NXPE2: variants seen among roughly 807,000 people sequenced by gnomAD.
The protein encoded by NXPE2 is NXPE family member 2.
NXPE2 carries 34 observed loss-of-function variants against 34.4 expected under a neutral mutation model. That is an observed-to-expected ratio of 0.99 (90% CI 0.75 to 1.31). NXPE2 has a LOEUF of 1.31. NXPE2 is among the 40% of genes most tolerant of loss of function. The pLI is 0.00. For synonymous variants in NXPE2, 235 were observed against 231.3 expected (o/e 1.02, Z -0.15); for missense variants, 649 against 672.5 (o/e 0.97, Z 0.39).
At chr11:114,712,526 C>A in the NXPE2 span, among the ~76,000 whole-genome samples, 1 of 152,120 alleles carries the variant, frequency 6.6e-6, no homozygotes, top group African/African-American at 2.4e-5. Flanking sequence ...TGTTCAATAT[C>A]ACTAATCATT....
At chr11:114,469,774 C>T in the NXPE2 span, among the ~76,000 whole-genome samples, 1 of 152,178 alleles carries the variant, frequency 6.6e-6, no homozygotes, top group Non-Finnish European at 1.5e-5. Flanking sequence ...AATAATGCCA[C>T]AGTTAACGTA....
At chr11:114,654,664 G>A in the NXPE2 span, among the ~76,000 whole-genome samples, 1 of 152,100 alleles carries the variant, frequency 6.6e-6, no homozygotes, top group African/African-American at 2.4e-5. Context: ...CCTTTTTTAT[G>A]GATGCATAGT....
chr11:114,497,369 C>T, the NXPE2 span, among the ~76,000 whole-genome samples: 7 of 152,282 alleles, frequency 4.6e-5, no homozygotes, highest in African/African-American at 1.4e-4. Context: ...CCTAGGCCTT[C>T]GCATTTACTC....
At chr11:114,733,158 G>A in the NXPE2 span, among the ~76,000 whole-genome samples, 29 of 152,146 alleles carry the variant, frequency 1.9e-4, no homozygotes, top group South Asian at 2.3e-3. Context: ...ATGCAGTGGC[G>A]CAATCTCGGC....
the NXPE2 span, among the ~76,000 whole-genome samples, chr11:114,602,037 A>G: frequency 1.1e-5 from 1 of 91,220 alleles, no homozygotes; most frequent in Non-Finnish European, 1.9e-5. Context: ...GTTATACTAT[A>G]TAATATATAT....
chr11:114,716,686 T>C, the NXPE2 span, among the ~76,000 whole-genome samples: 1 of 152,218 alleles, frequency 6.6e-6, no homozygotes, highest in Admixed American at 6.5e-5. Context: ...ACCTCAACGT[T>C]GCACATTCCA....
At chr11:114,496,943 G>C in the NXPE2 span, among the ~76,000 whole-genome samples, 1 of 152,144 alleles carries the variant, frequency 6.6e-6, no homozygotes, top group Non-Finnish European at 1.5e-5. Context: ...ATTATGTATA[G>C]TACATTATTG....
At chr11:114,608,754 A>G in the NXPE2 span, among the ~76,000 whole-genome samples, 2 of 151,034 alleles carry the variant, frequency 1.3e-5, no homozygotes, top group African/African-American at 4.9e-5. Context: ...CCCAATGGAT[A>G]ATAAGTACTG....
the NXPE2 span, among the ~76,000 whole-genome samples, chr11:114,616,453 G>A: frequency 6.6e-6 from 1 of 151,846 alleles, no homozygotes; most frequent in African/African-American, 2.4e-5. Flanking sequence ...TGTAACCACT[G>A]TTACCCAATG....
At chr11:114,580,296 G>A in the NXPE2 span, 6 of 1,614,062 alleles carry the variant, frequency 3.7e-6, no homozygotes, top group Non-Finnish European at 5.1e-6. Flanking sequence ...GATTGTGGAT[G>A]TCATTCCAAA....
the NXPE2 span, among the ~76,000 whole-genome samples, chr11:114,625,227 A>G: frequency 6.6e-6 from 1 of 152,070 alleles, no homozygotes; most frequent in African/African-American, 2.4e-5. Context: ...CTGTTGGATA[A>G]TACGTATTGC....
chr11:114,605,092 G>A, the NXPE2 span, among the ~76,000 whole-genome samples: 6 of 151,678 alleles, frequency 4.0e-5, no homozygotes, highest in South Asian at 2.1e-4. Context: ...ATATTGCCTC[G>A]TGGGTAACAG....
intron 2 of NXPE2, among the ~76,000 whole-genome samples, chr11:114,687,227 A>G (rs2135542214): frequency 6.6e-6 from 1 of 152,202 alleles, no homozygotes; most frequent in East Asian, 1.9e-4. Context: ...GTTTTCTTCT[A>G]GGATTTTTAT....
the NXPE2 span, among the ~76,000 whole-genome samples, chr11:114,508,588 G>A: frequency 2.0e-5 from 3 of 151,986 alleles, no homozygotes; most frequent in Admixed American, 1.3e-4. Flanking sequence ...AAATAAGACC[G>A]CATACCTACA....
chr11:114,508,703 A>C, the NXPE2 span, among the ~76,000 whole-genome samples: 1 of 152,252 alleles, frequency 6.6e-6, no homozygotes, highest in African/African-American at 2.4e-5. Context: ...CAGAAGATTG[A>C]AACTGGACTC....
chr11:114,661,996 G>C, the NXPE2 span, among the ~76,000 whole-genome samples: 2 of 152,168 alleles, frequency 1.3e-5, no homozygotes, highest in East Asian at 3.9e-4. Context: ...AGAATAGAAG[G>C]CTCCACCAAT....
chr11:114,528,277 C>G, the NXPE2 span, among the ~76,000 whole-genome samples: 1 of 152,246 alleles, frequency 6.6e-6, no homozygotes, highest in South Asian at 2.1e-4. Flanking sequence ...TCATGCAAGT[C>G]TCAGTTTTAT....
At chr11:114,600,474 T>C in the NXPE2 span, among the ~76,000 whole-genome samples, 1 of 152,142 alleles carries the variant, frequency 6.6e-6, no homozygotes, top group Non-Finnish European at 1.5e-5. Flanking sequence ...GCACATCACG[T>C]CTATGGTATT....
the NXPE2 span, among the ~76,000 whole-genome samples, chr11:114,660,774 G>C: frequency 6.6e-6 from 1 of 151,842 alleles, no homozygotes; most frequent in South Asian, 2.1e-4. Context: ...AAAATAAAAG[G>C]CATACCATTT....
Sources: allele counts gnomAD v4.1 joint callset (sites outside exome capture counted in the v4.1 genomes callset), GRCh38; gene constraint gnomAD v4.1.1; transcripts MANE v1.5; gene names NCBI Gene and HGNC (gene_info 2026-07-23, HGNC 2026-07-21).